The following PFKFB2 variants were observed in gnomAD, a reference collection of about 807,000 sequenced individuals.
PFKFB2 encodes 6-phosphofructo-2-kinase/fructose-2,6-biphosphatase 2.
Under a neutral mutation model 68.0 loss-of-function variants are expected in PFKFB2, and 53 were observed. The ratio of observed to expected loss-of-function variants is 0.78; its 90% CI spans 0.63 to 0.98. PFKFB2 has a LOEUF of 0.98. Ranked by LOEUF, PFKFB2 falls within the 50% of genes least tolerant of loss-of-function variation. PFKFB2 has a pLI of 0.00. For synonymous variants in PFKFB2, 222 were observed against 227.6 expected (o/e 0.98, Z 0.22); for missense variants, 451 against 642.0 (o/e 0.70, Z 3.22).
chr1:207,070,210 G>A lies in PFKFB2; in HGVS notation c.1093-70G>A, dbSNP rs1683426206. 5 of 1,590,658 alleles carry A rather than the reference G, an allele frequency of 3.1e-6. No individual in the cohort carries two copies. The highest frequency in any genetic ancestry group is 4.3e-6 in the Non-Finnish European group (5 of 1,167,166). ...AGAAGAAGTGGCCCTTAGTCTCCAA[G>A]GTCCAGCCACTGACTTGGCTGCCAG... On this transcript the variant is annotated intron_variant, in intron 11 of 14. Transcript: ENST00000367080. The surrounding 1 kb of genome is among the most constrained non-coding windows in gnomAD (Gnocchi z 4.2).
At chr1:207,040,214 A>T (rs1472740590) in intron 1 of PFKFB2, among the ~76,000 whole-genome samples, 1 of 152,078 alleles carries the variant, frequency 6.6e-6, no homozygotes, top group Non-Finnish European at 1.5e-5. Context: ...TTCAAACCTG[A>T]CTCCTGAGTC....
chr1:207,070,260 T>A lies in PFKFB2; in HGVS notation c.1093-20T>A, dbSNP rs547101286. The A allele has an allele frequency of 1.2e-6, 2 of 1,612,204 alleles. No homozygotes were observed. The highest frequency in any genetic ancestry group is 2.2e-5 in the South Asian group (2 of 90,986). Reference sequence around the variant, plus strand: ...GCTTGCACCTGGGCTCCTGCCAGCCTGCCCCATTTCCCTCCACAGTCATAC... The same window carrying A: ...GCTTGCACCTGGGCTCCTGCCAGCCAGCCCCATTTCCCTCCACAGTCATAC... On this transcript the variant is annotated intron_variant, in intron 11 of 14. Coordinates refer to ENST00000367080, the MANE Select transcript of PFKFB2 (RefSeq NM_006212.2). The surrounding 1 kb of genome is among the most constrained non-coding windows in gnomAD (Gnocchi z 4.2).
Position 207,076,847 on chromosome 1 carries a change from G to T in PFKFB2, c.*4476G>T. On this transcript the variant is annotated 3_prime_UTR_variant, in exon 15 of 15. Coordinates refer to ENST00000367080, the MANE Select transcript of PFKFB2 (RefSeq NM_006212.2). ...CTGACTAACGGTCTAGGGTCTGTAA[G>T]CTGACAGTCTGCCTGCTTTCTGATT... 1 of 985,408 alleles carries T rather than the reference G, an allele frequency of 1.0e-6. No individual in the cohort carries two copies. The highest frequency in any genetic ancestry group is 1.2e-6 in the Non-Finnish European group (1 of 829,906). 61.0% of individuals were successfully genotyped at this position (985,408 alleles called of 1,614,324 possible).
rs1171717509 is a variant in PFKFB2 at position 207,062,867 on chromosome 1, G to A, written c.308+151G>A. ...TGGGCAAGTGACCTTGGGCTTGGGTGGTCAGAAGAACAGGGCTCAGGGTGA... is the reference window on the plus strand; with the variant it reads ...TGGGCAAGTGACCTTGGGCTTGGGTAGTCAGAAGAACAGGGCTCAGGGTGA... On this transcript the variant is annotated intron_variant, in intron 4 of 14. Transcript: ENST00000367080. The A allele has an allele frequency of 1.3e-5, 10 of 790,400 alleles. No homozygotes were observed. The African/African-American group carries it at 1.7e-4, about 14-fold the overall frequency. 49.0% of individuals were successfully genotyped at this position (790,400 alleles called of 1,614,324 possible).
chr1:207,047,625 G>A (rs1682630143), intron 2 of PFKFB2: 1 of 152,610 alleles, frequency 6.6e-6, no homozygotes, highest in Admixed American at 6.5e-5. Context: ...GAATAATTAA[G>A]AAAAGAGGTA....
chr1:207,080,805 A>G (rs939265524), downstream of PFKFB2: 2 of 152,154 alleles, frequency 1.3e-5, no homozygotes, highest in Non-Finnish European at 2.9e-5. Flanking sequence ...TCCAGAACGT[A>G]GATATCTGTC....
intron 1 of PFKFB2, among the ~76,000 whole-genome samples, chr1:207,036,698 TACA>T (rs1471535870): frequency 6.6e-5 from 10 of 152,176 alleles, no homozygotes; most frequent in East Asian, 1.9e-4. Context: ...TTCCTGTCAG[TACA>T]ACAACAACAA....
At chr1:207,060,962 A>ATAATATATCTATATATATATCTATATATC (rs1558059276) in intron 2 of PFKFB2, 3 of 140,310 alleles carry the variant, frequency 2.1e-5, no homozygotes, top group African/African-American at 8.4e-5. Context: ...TAAGTTAAAT[A>ATAATATATCTATATATATATCTATATATC]TATATATCTA....
rs1295842166 is a variant in PFKFB2, at chr1:207,077,467, A to T, written c.*5096A>T. On this transcript the variant is annotated 3_prime_UTR_variant, in exon 15 of 15. Transcript: ENST00000367080. ...TTTTTATTATATTGACCTAACAAGA[A>T]GATCAACTTATGCTGGTATGGTGAT... 1 of 985,288 alleles carries T rather than the reference A, an allele frequency of 1.0e-6. No individual in the cohort carries two copies. The highest frequency in any genetic ancestry group is 1.1e-4 in the East Asian group (1 of 8,826). 61.0% of individuals were successfully genotyped at this position (985,288 alleles called of 1,614,324 possible). A position where few individuals can be genotyped will look rare whatever the true frequency, so the allele number is the denominator to read the frequency against.
At position 207,076,000 on chromosome 1, in the gene PFKFB2, T is replaced by C. The variant is rs1054748156; in HGVS notation, c.*3629T>C. The stretch of plus-strand genomic sequence containing the variant: ...AAGAAAAGCTTCTAAAAACTTGCAT[T>C]GTGCTAGGGATCTGCCCTATATCTT... On this transcript the variant is annotated 3_prime_UTR_variant, in exon 15 of 15. Transcript: ENST00000367080. 1 of 985,480 alleles carries C rather than the reference T, an allele frequency of 1.0e-6. No homozygotes were observed. The highest frequency in any genetic ancestry group is 1.2e-6 in the Non-Finnish European group (1 of 829,946). The allele number at this position is 985,480 out of a possible 1,614,324, so 61.0% of individuals were successfully genotyped here.
upstream of PFKFB2, chr1:207,050,610 T>C (rs1682716781): frequency 6.3e-7 from 1 of 1,586,214 alleles, no homozygotes; most frequent in Non-Finnish European, 8.6e-7. Context: ...CCACCTTGCC[T>C]TGACTGGTGT....
chr1:207,047,413 A>G (rs1163977476), intron 2 of PFKFB2: 1 of 152,564 alleles, frequency 6.6e-6, no homozygotes, highest in East Asian at 1.9e-4. Context: ...TCACCAAGTG[A>G]AAGTGCTAAA....
At position 207,070,185 on chromosome 1, in the gene PFKFB2, AG is replaced by A; in HGVS notation, c.1093-94del. ...CTCCAGGAGGAAAGCCAGCTGAGGA[AG>A]AAGAAGTGGCCCTTAGTCTCCAAGG... On this transcript the variant is annotated intron_variant, in intron 11 of 14. Transcript: ENST00000367080. This position sits in a 1 kb window ranked among gnomAD's most constrained non-coding sequence, Gnocchi z 4.2. The A allele has an allele frequency of 4.8e-6, 7 of 1,443,716 alleles. No homozygotes were observed. Among genetic ancestry groups the A allele is most frequent in the Non-Finnish European group, 6.6e-6 (7 of 1,054,194 alleles). 89.4% of individuals were successfully genotyped at this position (1,443,716 alleles called of 1,614,324 possible).
At position 207,073,418 on chromosome 1, in the gene PFKFB2, A is replaced by G; in HGVS notation, c.*1047A>G. ...AGGGCAGTTAGATTCAGGAGTCACC[A>G]CTGATGTTTGAGTTGCTCAAGGCAA... On this transcript the variant is annotated 3_prime_UTR_variant, in exon 15 of 15. Transcript: ENST00000367080. 3.0e-6 allele frequency: 3 copies of G among 985,440 alleles called. No individual in the cohort carries two copies. Among genetic ancestry groups the G allele is most frequent in the Non-Finnish European group, 3.6e-6 (3 of 829,912 alleles). The allele number at this position is 985,440 out of a possible 1,614,324, so 61.0% of individuals were successfully genotyped here. A position where few individuals can be genotyped will look rare whatever the true frequency, so the allele number is the denominator to read the frequency against.
At chr1:207,078,524 T>G (rs1683687443), downstream of PFKFB2, among the ~76,000 whole-genome samples, 1 of 152,214 alleles carries the variant, frequency 6.6e-6, no homozygotes. Context: ...TGATGACTGG[T>G]TTCAGAATGG....
At chr1:207,062,413 C>T (rs535831768) in intron 3 of PFKFB2, 3 of 739,662 alleles carry the variant, frequency 4.1e-6, no homozygotes, top group South Asian at 3.7e-5. Flanking sequence ...AAATTGAAAC[C>T]TCAGACAGCT....
intron 1 of PFKFB2, among the ~76,000 whole-genome samples, chr1:207,040,923 A>ATTTTTTTT (rs397862660): frequency 6.3e-4 from 74 of 117,354 alleles, no homozygotes; most frequent in African/African-American, 2.0e-3. Flanking sequence ...TTTAAAACAG[A>ATTTTTTTT]TTTTTTTTTT....
chr1:207,067,442 A>G, intron 8 of PFKFB2, 57 bp from the exon 9 acceptor site: 1 of 1,213,638 alleles, frequency 8.2e-7, no homozygotes, highest in Non-Finnish European at 1.2e-6. Context: ...TTTCCCTCTG[A>G]TTCTTATTCT....
chr1:207,061,174 TA>T (rs1442783122), intron 2 of PFKFB2, among the ~76,000 whole-genome samples: 8 of 64,322 alleles, frequency 1.2e-4, no homozygotes, highest in South Asian at 4.3e-4. Flanking sequence ...TTTATATATA[TA>T]TATATATATA....
Sources: allele counts gnomAD v4.1 joint callset (sites outside exome capture counted in the v4.1 genomes callset), GRCh38; gene constraint gnomAD v4.1.1; non-coding constraint Gnocchi (gnomAD v3.1); transcripts MANE v1.5; gene names NCBI Gene and HGNC (gene_info 2026-07-23, HGNC 2026-07-21).